MACROD2: variants seen among roughly 807,000 people sequenced by gnomAD.
MACROD2 encodes mono-ADP ribosylhydrolase 2.
Under a neutral mutation model 70.4 loss-of-function variants are expected in MACROD2, and 36 were observed. The observed-to-expected ratio is 0.51, with a 90% CI of 0.39 to 0.68. The LOEUF is 0.68. MACROD2 is among the 30% of genes least tolerant of loss of function. The pLI is 0.00. For missense variants in MACROD2, 496 were observed against 538.4 expected (o/e 0.92, Z 0.78); for synonymous variants, 172 against 178.8 (o/e 0.96, Z 0.30).
At chr20:16,004,259 T>C (rs190119854) in intron 15 of MACROD2, among the ~76,000 whole-genome samples, 5 of 152,274 alleles carry the variant, frequency 3.3e-5, no homozygotes, top group African/African-American at 1.2e-4. Flanking sequence ...TTTGTGGTCA[T>C]TGCACAACAC....
intron 5 of MACROD2, among the ~76,000 whole-genome samples, chr20:14,763,678 A>G (rs532510901): frequency 6.6e-6 from 1 of 152,208 alleles, no homozygotes; most frequent in East Asian, 1.9e-4. Flanking sequence ...GGCCAGAGTG[A>G]TTCAAATTCA....
intron 8 of MACROD2, among the ~76,000 whole-genome samples, chr20:15,762,491 C>T (rs1417739617): frequency 6.6e-6 from 1 of 152,156 alleles, no homozygotes; most frequent in African/African-American, 2.4e-5. Context: ...TGCCATGTGA[C>T]CTTGGAGCTC....
intron 8 of MACROD2, among the ~76,000 whole-genome samples, chr20:15,773,991 A>G (rs1369504935): frequency 6.6e-6 from 1 of 152,180 alleles, no homozygotes; most frequent in Non-Finnish European, 1.5e-5. Context: ...ATTGATATAC[A>G]TTTGCACATA....
At chr20:14,629,310 C>T (rs1479856872) in intron 4 of MACROD2, among the ~76,000 whole-genome samples, 4 of 152,168 alleles carry the variant, frequency 2.6e-5, no homozygotes, top group African/African-American at 9.7e-5. Flanking sequence ...TCTACTTCTC[C>T]ATTAAATAAA....
chr20:15,067,159 T>G (rs2075583463), intron 5 of MACROD2, among the ~76,000 whole-genome samples: 1 of 152,162 alleles, frequency 6.6e-6, no homozygotes, highest in African/African-American at 2.4e-5. Context: ...TGCAACTAAT[T>G]TTTAAGTGCT....
intron 6 of MACROD2, among the ~76,000 whole-genome samples, chr20:15,407,967 C>T (rs1434248600): frequency 6.6e-6 from 1 of 152,182 alleles, no homozygotes; most frequent in Non-Finnish European, 1.5e-5. Flanking sequence ...CCCAAAGTCT[C>T]TCAGCGCAGT....
chr20:15,298,321 C>T (rs2077610095), intron 6 of MACROD2, among the ~76,000 whole-genome samples: 1 of 152,162 alleles, frequency 6.6e-6, no homozygotes, highest in Non-Finnish European at 1.5e-5. Context: ...GTTCCAAGCA[C>T]CCAGAGTGGA....
intron 7 of MACROD2, among the ~76,000 whole-genome samples, chr20:15,481,176 T>C (rs1234113347): frequency 6.6e-6 from 1 of 152,222 alleles, no homozygotes; most frequent in Non-Finnish European, 1.5e-5. Context: ...AAAACTTTAT[T>C]TGTGAGAGAA....
intron 8 of MACROD2, among the ~76,000 whole-genome samples, chr20:15,703,279 A>G (rs549134616): frequency 2.8e-4 from 43 of 152,328 alleles, no homozygotes; most frequent in African/African-American, 1.0e-3. Flanking sequence ...GACCACTACT[A>G]TATCTTCCAC....
At chr20:15,320,829 G>A (rs1431394978) in intron 6 of MACROD2, among the ~76,000 whole-genome samples, 1 of 152,090 alleles carries the variant, frequency 6.6e-6, no homozygotes, top group Non-Finnish European at 1.5e-5. Flanking sequence ...AGATGGTACT[G>A]GATAATGGAA....
chr20:15,023,720 G>A (rs1386533688), intron 5 of MACROD2, among the ~76,000 whole-genome samples: 2 of 152,124 alleles, frequency 1.3e-5, no homozygotes, highest in Admixed American at 6.5e-5. Context: ...AACAGCATGG[G>A]AAAGACCTGT....
chr20:14,497,948 G>A (rs1000558500), intron 4 of MACROD2, among the ~76,000 whole-genome samples: 6 of 151,642 alleles, frequency 4.0e-5, no homozygotes, highest in South Asian at 2.1e-4. Context: ...AGAGGACACT[G>A]TGAGCCTTCC....
intron 6 of MACROD2, among the ~76,000 whole-genome samples, chr20:15,327,310 C>T (rs921245653): frequency 2.0e-5 from 3 of 152,152 alleles, no homozygotes; most frequent in African/African-American, 7.2e-5. Context: ...ACATGATGGT[C>T]ACGTGACTTC....
intron 6 of MACROD2, among the ~76,000 whole-genome samples, chr20:15,238,968 C>T (rs1235996937): frequency 6.6e-6 from 1 of 152,104 alleles, no homozygotes; most frequent in Non-Finnish European, 1.5e-5. Flanking sequence ...GCAATGCAAG[C>T]TTTCATCTTG....
chr20:15,778,387 A>G (rs1029509232), intron 8 of MACROD2, among the ~76,000 whole-genome samples: 21 of 152,092 alleles, frequency 1.4e-4, no homozygotes, highest in African/African-American at 4.6e-4. Flanking sequence ...TAAGTGTTCT[A>G]TATTACTCTG....
At chr20:15,613,769 G>T (rs2049001413) in intron 8 of MACROD2, among the ~76,000 whole-genome samples, 1 of 152,186 alleles carries the variant, frequency 6.6e-6, no homozygotes, top group African/African-American at 2.4e-5. Context: ...TCACACAGTG[G>T]AACTTGCCTC....
intron 5 of MACROD2, among the ~76,000 whole-genome samples, chr20:14,854,786 G>A (rs2073235914): frequency 6.6e-6 from 1 of 152,118 alleles, no homozygotes; most frequent in Non-Finnish European, 1.5e-5. Flanking sequence ...GGAGGCCGAG[G>A]CGGGTGGATC....
chr20:14,578,967 A>G lies in MACROD2; in HGVS notation c.301+85459A>G, dbSNP rs557164461. 1.4e-4 allele frequency among the ~76,000 whole-genome samples: 20 copies of G among 141,228 alleles called. No individual in the cohort carries two copies. The East Asian group carries it at 1.9e-3, about 13-fold the overall frequency. 92.7% of individuals were successfully genotyped at this position (141,228 alleles called of 152,430 possible). A position where few individuals can be genotyped will look rare whatever the true frequency, so the allele number is the denominator to read the frequency against. On this transcript the variant is annotated intron_variant, in intron 4 of 17. Coordinates refer to ENST00000684519, the MANE Select transcript of MACROD2 (RefSeq NM_001351661.2). ...TGTTCTTCCCATGTTTCTTGGAAGT[A>G]CTTGCAAATTTTATGGAATGCACTT... is the stretch of plus-strand genomic sequence containing the variant.
At chr20:14,919,654 A>G (rs62202782) in intron 5 of MACROD2, among the ~76,000 whole-genome samples, 117 of 152,328 alleles carry the variant, frequency 7.7e-4, no homozygotes, top group Non-Finnish European at 1.5e-3. Context: ...TGCAATCAGT[A>G]ATTTGACTCA....
Sources: gnomAD v4.1 joint callset for allele counts (sites outside exome capture counted in the v4.1 genomes callset) on GRCh38, gnomAD v4.1.1 for gene constraint, MANE v1.5 for transcripts, NCBI Gene and HGNC (gene_info 2026-07-23, HGNC 2026-07-21) for gene names.